Variants in GPR89A observed in about 807,000 individuals in gnomAD.
GPR89A encodes G protein-coupled receptor 89A.
GPR89A carries 16 observed loss-of-function variants against 52.0 expected under a neutral mutation model. The observed-to-expected ratio is 0.31, with a 90% CI of 0.21 to 0.47. The LOEUF (loss-of-function observed/expected upper bound fraction) is 0.47, where lower values mean the gene tolerates loss of function less well. Ranked by LOEUF, GPR89A falls within the 20% of genes least tolerant of loss-of-function variation. GPR89A has a pLI of 1.00. For synonymous variants in GPR89A, 55 were observed against 150.9 expected (o/e 0.36, Z 4.66); for missense variants, 135 against 449.4 (o/e 0.30, Z 6.33).
At chr1:145,668,541 T>C (rs1464871632) in intron 12 of GPR89A, among the ~76,000 whole-genome samples, 3 of 152,140 alleles carry the variant, frequency 2.0e-5, no homozygotes, top group Non-Finnish European at 4.4e-5. Context: ...ACTTCCTCTT[T>C]TTCTGATTGA....
chr1:145,668,477 A>G (rs1324079105), intron 12 of GPR89A, among the ~76,000 whole-genome samples: 1 of 152,174 alleles, frequency 6.6e-6, no homozygotes, highest in East Asian at 1.9e-4. Context: ...TTGGGCTGAG[A>G]CGATGGGGTT....
chr1:145,612,390 C>G (rs1553686305), intron 1 of GPR89A: 2 of 152,106 alleles, frequency 1.3e-5, no homozygotes. Flanking sequence ...TACCTTTGAT[C>G]TTAGAGTAGC....
intron 10 of GPR89A, 29 bp downstream of exon 10, chr1:145,647,296 T>C: frequency 6.4e-7 from 1 of 1,573,746 alleles, no homozygotes; most frequent in Non-Finnish European, 8.6e-7. Context: ...ATTATCAGAG[T>C]TTAGATGTTT....
intron 5 of GPR89A, among the ~76,000 whole-genome samples, chr1:145,627,570 C>T (rs1649594608): frequency 6.6e-6 from 1 of 152,202 alleles, no homozygotes; most frequent in South Asian, 2.1e-4. Context: ...ATTTATTGAG[C>T]ATCCACTTTA....
chr1:145,640,824 A>T (rs1425121307), intron 7 of GPR89A, among the ~76,000 whole-genome samples: 3 of 148,930 alleles, frequency 2.0e-5, no homozygotes, highest in African/African-American at 5.0e-5. Flanking sequence ...GCTTACATTT[A>T]AAAAAAATGC....
chr1:145,667,476 T>C (rs1652645878), intron 12 of GPR89A, among the ~76,000 whole-genome samples: 3 of 152,190 alleles, frequency 2.0e-5, no homozygotes, highest in Non-Finnish European at 4.4e-5. Context: ...TATTAGCCCT[T>C]TGTCAGATAA....
intron 1 of GPR89A, among the ~76,000 whole-genome samples, chr1:145,609,891 T>G (rs1190396899): frequency 6.6e-6 from 1 of 152,214 alleles, no homozygotes; most frequent in Non-Finnish European, 1.5e-5. Context: ...CCTTTCGGTA[T>G]TAATAAAAAT....
chr1:145,668,294 G>T (rs1553696823), intron 12 of GPR89A, among the ~76,000 whole-genome samples: 1 of 152,150 alleles, frequency 6.6e-6, no homozygotes, highest in African/African-American at 2.4e-5. Context: ...CACATCCCTT[G>T]TAAATTGGAT....
chr1:145,657,816 A>G (rs1651911979), intron 10 of GPR89A, among the ~76,000 whole-genome samples: 1 of 150,136 alleles, frequency 6.7e-6, no homozygotes, highest in South Asian at 2.2e-4. Flanking sequence ...TAATATCTAT[A>G]GAACCTGTAG....
intron 10 of GPR89A, among the ~76,000 whole-genome samples, chr1:145,654,712 C>T (rs1326585391): frequency 6.6e-6 from 1 of 151,538 alleles, no homozygotes; most frequent in Non-Finnish European, 1.5e-5. Context: ...TCATTTCGAC[C>T]TTGGAGAATC....
chr1:145,666,899 C>T (rs1384946262), intron 12 of GPR89A, among the ~76,000 whole-genome samples: 1 of 152,036 alleles, frequency 6.6e-6, no homozygotes. Flanking sequence ...TTTTTTGTGG[C>T]TGGATAGTAT....
intron 12 of GPR89A, 52 bp from the exon 13 acceptor site, chr1:145,669,573 G>T (rs1553697086): frequency 1.1e-5 from 17 of 1,603,480 alleles, no homozygotes; most frequent in Non-Finnish European, 1.2e-5. Flanking sequence ...TACTGTTCGT[G>T]ACACAGGAAT....
At chr1:145,635,830 A>G (rs1169150388) in intron 7 of GPR89A, among the ~76,000 whole-genome samples, 2 of 152,162 alleles carry the variant, frequency 1.3e-5, no homozygotes, top group African/African-American at 2.4e-5. Flanking sequence ...ATAGTGGTGC[A>G]TGCCTGTAAT....
intron 1 of GPR89A, among the ~76,000 whole-genome samples, chr1:145,609,264 A>C (rs1648079125): frequency 6.6e-6 from 1 of 152,180 alleles, no homozygotes; most frequent in Non-Finnish European, 1.5e-5. Flanking sequence ...GTATTGCTTC[A>C]TCCTAATACT....
chr1:145,608,050 A>C lies in GPR89A; in HGVS notation c.-84A>C. On this transcript the variant is annotated 5_prime_UTR_variant, in exon 1 of 14. Transcript: ENST00000313835. ...GGCTGCAGCACCTGGGAGAAGGCAG[A>C]CCGTGTGAGGGGGCCTGTGGCCCCA... The C allele has an allele frequency of 6.5e-7, 1 of 1,546,096 alleles. No homozygotes were observed. The highest frequency in any genetic ancestry group is 8.9e-7 in the Non-Finnish European group (1 of 1,123,792).
Position 145,670,107 on chromosome 1 carries a change from ATG to A in GPR89A, c.*68_*69del, listed in dbSNP as rs1162255157. ...AATTTAGATATAAGAGGGGGGAAAA[ATG>A]GAACCAGGGCCTGACATTTTATAAA... On this transcript the variant is annotated 3_prime_UTR_variant, in exon 14 of 14. Coordinates refer to ENST00000313835, the MANE Select transcript of GPR89A (RefSeq NM_001097612.2). The A allele has an allele frequency of 4.8e-6, 6 of 1,238,956 alleles. No individual in the cohort carries two copies. Among genetic ancestry groups the A allele is most frequent in the Non-Finnish European group, 6.6e-6 (6 of 907,106 alleles). 76.7% of individuals were successfully genotyped at this position (1,238,956 alleles called of 1,614,324 possible).
chr1:145,652,907 TA>T (rs1409625318), intron 10 of GPR89A, among the ~76,000 whole-genome samples: 4 of 145,950 alleles, frequency 2.7e-5, no homozygotes, highest in African/African-American at 8.3e-5. Flanking sequence ...TCTATTTTAT[TA>T]ATCTTTTCAA....
chr1:145,617,651 A>G (rs587772410), intron 2 of GPR89A, among the ~76,000 whole-genome samples: 4 of 152,072 alleles, frequency 2.6e-5, no homozygotes, highest in Admixed American at 1.3e-4. Flanking sequence ...CCATGAAACA[A>G]TTTATGTTCT....
chr1:145,634,080 T>TTA, intron 7 of GPR89A, among the ~76,000 whole-genome samples: 1 of 12,772 alleles, frequency 7.8e-5, no homozygotes, highest in East Asian at 2.3e-3. Flanking sequence ...TTGTCTATTG[T>TTA]GTTTTTTTTT....
Sources: allele counts gnomAD v4.1 joint callset (sites outside exome capture counted in the v4.1 genomes callset), GRCh38; gene constraint gnomAD v4.1.1; transcripts MANE v1.5; gene names NCBI Gene and HGNC (gene_info 2026-07-23, HGNC 2026-07-21).